GATAD2A: variants seen among roughly 807,000 people sequenced by gnomAD.
GATAD2A encodes GATA zinc finger domain containing 2A, also known as transcriptional repressor p66-alpha.
A neutral mutation model predicts 68.5 loss-of-function variants in GATAD2A; 12 were observed. That is an observed-to-expected ratio of 0.18 (90% confidence interval 0.11 to 0.28). The LOEUF (loss-of-function observed/expected upper bound fraction) is 0.28. GATAD2A is among the 10% of genes least tolerant of loss of function. The probability of loss-of-function intolerance (pLI) is 1.00; values close to 1 mark genes in which losing one functional copy is unlikely to be tolerated. For synonymous variants in GATAD2A, 410 were observed against 375.3 expected, an observed-to-expected ratio of 1.09 and a Z score of -1.07; for missense variants, 755 against 868.5, an observed-to-expected ratio of 0.87 and a Z score of 1.64.
chr19:19,429,813 G>A (rs545780289), intron 1 of GATAD2A, among the ~76,000 whole-genome samples: 2 of 152,180 alleles, frequency 1.3e-5, no homozygotes, highest in Admixed American at 6.5e-5. Context: ...CCAACCTCAC[G>A]ATTGGGTCTT....
chr19:19,414,162 A>G (rs907509844), intron 1 of GATAD2A, among the ~76,000 whole-genome samples: 2 of 152,196 alleles, frequency 1.3e-5, no homozygotes, highest in Non-Finnish European at 2.9e-5. Flanking sequence ...GTATAGGTTC[A>G]AATGTAATTG....
At chr19:19,439,833 G>A (rs529418385) in intron 1 of GATAD2A, among the ~76,000 whole-genome samples, 1 of 152,270 alleles carries the variant, frequency 6.6e-6, no homozygotes, top group East Asian at 1.9e-4. Context: ...GGGTGACAAA[G>A]TGAGACCGTA....
intron 11 of GATAD2A, among the ~76,000 whole-genome samples, chr19:19,503,645 T>C (rs1371443942): frequency 2.3e-5 from 1 of 43,620 alleles, no homozygotes; most frequent in African/African-American, 2.0e-4. Flanking sequence ...ATCTGGAAGC[T>C]GTGTGTGTGT....
intron 2 of GATAD2A, among the ~76,000 whole-genome samples, chr19:19,474,827 C>T (rs977407855): frequency 2.6e-5 from 4 of 152,182 alleles, no homozygotes; most frequent in African/African-American, 9.7e-5. Context: ...TCCAGCATAC[C>T]GTCTTCACTT....
At chr19:19,412,176 G>GA in intron 1 of GATAD2A, among the ~76,000 whole-genome samples, 1 of 144,968 alleles carries the variant, frequency 6.9e-6, no homozygotes, top group African/African-American at 2.6e-5. Flanking sequence ...TTTTTGTTGA[G>GA]ACGGAGTCTT....
At chr19:19,479,831 CT>C (rs35537344) in intron 2 of GATAD2A, among the ~76,000 whole-genome samples, 14,163 of 85,974 alleles carry the variant, frequency 0.16, 517 homozygotes, top group South Asian at 0.25. Context: ...GTGGCCCACT[CT>C]TTTTTTTTTT....
At chr19:19,494,169 C>T (rs563285524) in intron 4 of GATAD2A, 125 bp from the exon 5 acceptor site, 4 of 589,278 alleles carry the variant, frequency 6.8e-6, no homozygotes, top group Admixed American at 3.0e-5. Context: ...AACCTCTGAG[C>T]GCCTGATGCC....
At chr19:19,484,614 G>C (rs1487075404) in intron 2 of GATAD2A, among the ~76,000 whole-genome samples, 3 of 149,610 alleles carry the variant, frequency 2.0e-5, no homozygotes, top group Non-Finnish European at 3.0e-5. Flanking sequence ...CTCCCTGCAG[G>C]CTCTGCCCCC....
At chr19:19,413,894 G>A (rs2051263800) in intron 1 of GATAD2A, among the ~76,000 whole-genome samples, 1 of 152,152 alleles carries the variant, frequency 6.6e-6, no homozygotes, top group African/African-American at 2.4e-5. Context: ...TGTGTTTGAT[G>A]TTTTTATTAA....
intron 2 of GATAD2A, among the ~76,000 whole-genome samples, chr19:19,486,643 C>CCT (rs2059451228): frequency 1.3e-5 from 2 of 152,216 alleles, no homozygotes; most frequent in South Asian, 4.1e-4. Context: ...TCGGGGCAAA[C>CCT]CTCTCTCTCC....
intron 2 of GATAD2A, among the ~76,000 whole-genome samples, chr19:19,469,956 A>T (rs902199651): frequency 6.6e-6 from 1 of 151,422 alleles, no homozygotes; most frequent in Non-Finnish European, 1.5e-5. Context: ...AGAAAAAAAA[A>T]AAAAGAAGCA....
At chr19:19,399,210 C>T (rs2049511879) in intron 1 of GATAD2A, among the ~76,000 whole-genome samples, 1 of 152,102 alleles carries the variant, frequency 6.6e-6, no homozygotes. Flanking sequence ...GATGACAGAG[C>T]CAGGCTCCAT....
At chr19:19,386,521 C>T (rs561808098) in intron 1 of GATAD2A, among the ~76,000 whole-genome samples, 19 of 151,902 alleles carry the variant, frequency 1.3e-4, no homozygotes, top group Non-Finnish European at 2.2e-4. Context: ...GGGACCCTTG[C>T]CTCTCTAGGG....
At chr19:19,458,663 A>G (rs1048782554) in intron 1 of GATAD2A, 3 of 152,306 alleles carry the variant, frequency 2.0e-5, no homozygotes, top group East Asian at 3.9e-4. Context: ...CTTGTGGCCT[A>G]TATAGAAGGC....
intron 1 of GATAD2A, among the ~76,000 whole-genome samples, chr19:19,461,127 G>T (rs1005343056): frequency 7.9e-5 from 12 of 152,220 alleles, no homozygotes; most frequent in African/African-American, 2.9e-4. Context: ...TGAGGAGGCA[G>T]AAAGACGCCT....
chr19:19,473,676 G>A (rs1415032070), intron 2 of GATAD2A, among the ~76,000 whole-genome samples: 6 of 151,590 alleles, frequency 4.0e-5, no homozygotes, highest in African/African-American at 9.7e-5. Context: ...GGTGGCTCAC[G>A]CCTGTAATCC....
At chr19:19,449,444 C>T (rs1241307031) in intron 1 of GATAD2A, among the ~76,000 whole-genome samples, 1 of 152,144 alleles carries the variant, frequency 6.6e-6, no homozygotes, top group African/African-American at 2.4e-5. Flanking sequence ...CCTGCTTTGG[C>T]CTCCCTAGTA....
intron 2 of GATAD2A, among the ~76,000 whole-genome samples, chr19:19,490,574 G>A (rs1568331195): frequency 6.6e-6 from 1 of 152,164 alleles, no homozygotes; most frequent in Non-Finnish European, 1.5e-5. Context: ...TAGAGGACGT[G>A]TCTGTCCTTG....
At chr19:19,445,331 C>A (rs956270049) in intron 1 of GATAD2A, among the ~76,000 whole-genome samples, 5 of 152,134 alleles carry the variant, frequency 3.3e-5, no homozygotes, top group African/African-American at 4.8e-5. Flanking sequence ...ATTTTAGTAG[C>A]TCTAGAGGGG....
Sources: allele counts gnomAD v4.1 joint callset (sites outside exome capture counted in the v4.1 genomes callset), GRCh38; gene constraint gnomAD v4.1.1; transcripts MANE v1.5; gene names NCBI Gene and HGNC (gene_info 2026-07-23, HGNC 2026-07-21).